The following MID1 variants were observed in gnomAD, a reference collection of about 807,000 sequenced individuals.
MID1 encodes the protein midline 1, also known as E3 ubiquitin-protein ligase Midline-1.
In MID1, 7 loss-of-function variants were observed where a neutral mutation model predicts 40.4. The ratio of observed to expected loss-of-function variants is 0.17; its 90% CI spans 0.10 to 0.33. The LOEUF (loss-of-function observed/expected upper bound fraction) is 0.33, where lower values mean the gene tolerates loss of function less well. MID1 is among the 10% of genes least tolerant of loss of function. The pLI is 1.00. For synonymous variants in MID1, 229 were observed against 221.2 expected, an observed-to-expected ratio of 1.04 and a Z score of -0.31; for missense variants, 367 against 558.5, an observed-to-expected ratio of 0.66 and a Z score of 3.46.
At chrX:10,536,274 T>C (rs1029917199) in intron 2 of MID1, among the ~76,000 whole-genome samples, 3 of 111,864 alleles carry the variant, frequency 2.7e-5, no homozygotes, top group African/African-American at 9.8e-5. Flanking sequence ...ATTCTGCTTC[T>C]TTGATTGATG....
chrX:10,694,571 C>T (rs953623981), intron 1 of MID1, among the ~76,000 whole-genome samples: 4 of 111,405 alleles, frequency 3.6e-5, no homozygotes, highest in Admixed American at 9.6e-5. Flanking sequence ...TCAACTTTTG[C>T]GAAGGGTAAG....
intron 2 of MID1, chrX:10,565,134 T>C (rs1230140690): frequency 6.1e-6 from 2 of 329,568 alleles, no homozygotes; most frequent in Non-Finnish European, 1.2e-5. Flanking sequence ...TGGTGGTACT[T>C]TTCTCCTGTG....
chrX:10,586,062 A>G, intron 1 of MID1, among the ~76,000 whole-genome samples: 1 of 111,615 alleles, frequency 9.0e-6, no homozygotes, highest in Middle Eastern at 4.6e-3. Flanking sequence ...AACACACATC[A>G]GGTTGGTCAT....
At chrX:10,757,301 T>G (rs1380761385) in intron 1 of MID1, among the ~76,000 whole-genome samples, 1 of 112,286 alleles carries the variant, frequency 8.9e-6, no homozygotes, top group Admixed American at 9.4e-5. Context: ...TGAAAATGAT[T>G]CTCTTTTATT....
At position 10,469,694 on chromosome X, in the gene MID1, C is replaced by T. The variant is rs1435069325; in HGVS notation, c.1285+3G>A. On this transcript the variant is annotated splice_donor_region_variant and intron_variant, in intron 7 of 9. Transcript: ENST00000317552. ...AGAAATAAATAGGCCATGAGATACT[C>T]ACTAACGACGTTGGCTTGTCCGGTG... 4 of 1,209,986 alleles carry T rather than the reference C, an allele frequency of 3.3e-6. No homozygotes were observed. Among genetic ancestry groups the T allele is most frequent in the Non-Finnish European group, 4.5e-6 (4 of 895,212 alleles).
chrX:10,784,801 A>C (rs1025701679), intron 1 of MID1, among the ~76,000 whole-genome samples: 6 of 111,018 alleles, frequency 5.4e-5, no homozygotes, highest in Non-Finnish European at 7.5e-5. Flanking sequence ...TGTGAAAAAC[A>C]CAAGTGTATT....
At chrX:10,644,607 A>G (rs1212036152) in intron 1 of MID1, among the ~76,000 whole-genome samples, 1 of 111,446 alleles carries the variant, frequency 9.0e-6, no homozygotes, top group African/African-American at 3.3e-5. Context: ...CAAGAATCCT[A>G]GTTAGAACAG....
chrX:10,677,306 C>T (rs1602511843), intron 1 of MID1, among the ~76,000 whole-genome samples: 1 of 111,626 alleles, frequency 9.0e-6, no homozygotes, highest in Non-Finnish European at 1.9e-5. Flanking sequence ...CCTTATCTTC[C>T]CAGGACAGGA....
At chrX:10,707,769 C>A (rs1054475837) in intron 1 of MID1, among the ~76,000 whole-genome samples, 1 of 112,004 alleles carries the variant, frequency 8.9e-6, no homozygotes, top group African/African-American at 3.2e-5. Context: ...ATGTGCTTTG[C>A]GGCCCAGAGT....
intron 1 of MID1, among the ~76,000 whole-genome samples, chrX:10,697,692 G>A (rs1250827451): frequency 8.9e-6 from 1 of 111,878 alleles, no homozygotes; most frequent in African/African-American, 3.3e-5. Context: ...CCTGCCAGTG[G>A]TGGTTTGTTT....
At chrX:10,615,970 A>T (rs773020841) in intron 1 of MID1, among the ~76,000 whole-genome samples, 1 of 112,247 alleles carries the variant, frequency 8.9e-6, no homozygotes, top group Non-Finnish European at 1.9e-5. Flanking sequence ...TCTTCCTTGA[A>T]TGAACTCATT....
chrX:10,675,663 A>G (rs1006069927), intron 1 of MID1, among the ~76,000 whole-genome samples: 2 of 111,734 alleles, frequency 1.8e-5, no homozygotes, highest in Non-Finnish European at 1.9e-5. Context: ...GTGTATACAT[A>G]TACATTTTAA....
chrX:10,516,770 C>A, intron 3 of MID1, among the ~76,000 whole-genome samples: 1 of 110,061 alleles, frequency 9.1e-6, no homozygotes, highest in Non-Finnish European at 1.9e-5. Context: ...CGCACACCAC[C>A]ACGCCTGTCT....
chrX:10,730,632 C>T (rs904484395), intron 1 of MID1, among the ~76,000 whole-genome samples: 5 of 100,613 alleles, frequency 5.0e-5, no homozygotes, highest in Non-Finnish European at 9.9e-5. Flanking sequence ...AGTGCAGTGG[C>T]ACGATCTCGG....
chrX:10,627,559 A>T (rs1422944783), intron 1 of MID1, among the ~76,000 whole-genome samples: 3 of 111,691 alleles, frequency 2.7e-5, no homozygotes, highest in African/African-American at 9.8e-5. Flanking sequence ...ATTTAAATCC[A>T]TTTTTTGTGG....
chrX:10,606,506 A>G (rs1935628091), intron 1 of MID1, among the ~76,000 whole-genome samples: 1 of 111,706 alleles, frequency 9.0e-6, no homozygotes, highest in South Asian at 3.7e-4. Context: ...ATTCAAAGAT[A>G]AACACATTGA....
intron 2 of MID1, among the ~76,000 whole-genome samples, chrX:10,562,878 TTAAA>T (rs899197164): frequency 1.9e-5 from 2 of 106,729 alleles, no homozygotes; most frequent in Admixed American, 9.8e-5. Context: ...GATTATAATA[TTAAA>T]TAAATAAATA....
At chrX:10,636,135 G>A (rs766874544) in intron 1 of MID1, among the ~76,000 whole-genome samples, 1 of 112,153 alleles carries the variant, frequency 8.9e-6, no homozygotes, top group South Asian at 3.7e-4. Flanking sequence ...GCAAAATCTG[G>A]AAGAATAGAA....
intron 1 of MID1, among the ~76,000 whole-genome samples, chrX:10,782,166 C>T (rs925947131): frequency 1.8e-5 from 2 of 111,917 alleles, no homozygotes; most frequent in South Asian, 7.5e-4. Flanking sequence ...ACATTGCCAC[C>T]CTGTCAATTG....
Sources: gnomAD v4.1 joint callset for allele counts (sites outside exome capture counted in the v4.1 genomes callset) on GRCh38, gnomAD v4.1.1 for gene constraint, MANE v1.5 for transcripts, NCBI Gene and HGNC (gene_info 2026-07-23, HGNC 2026-07-21) for gene names.